BID: variants seen among roughly 807,000 people sequenced by gnomAD.
BID encodes the protein BH3-interacting domain death agonist.
In BID, 19 loss-of-function variants were observed where a neutral mutation model predicts 17.4. The ratio of observed to expected loss-of-function variants is 1.09; its 90% CI spans 0.76 to 1.60. The LOEUF (loss-of-function observed/expected upper bound fraction) is 1.60. Among genes scored for constraint, BID ranks in the 40% most tolerant of loss-of-function variants. The pLI, the probability that BID is intolerant of heterozygous loss-of-function variation, is 0.00. For synonymous variants in BID, 108 were observed against 102.8 expected, an observed-to-expected ratio of 1.05 and a Z score of -0.31; for missense variants, 226 against 256.0, an observed-to-expected ratio of 0.88 and a Z score of 0.80.
chr22:17,755,324 A>G lies in BID; in HGVS notation c.-58-5150T>C, dbSNP rs370016492. ...TCACAGCATGCTCCGTGCAGTGCCA[A>G]GGAAAGCTCCAACCCGGAAATGTGA... On this transcript the variant is annotated intron_variant, in intron 1 of 5. Transcript: ENST00000622694. Among the ~76,000 whole-genome samples the G allele has an allele frequency of 4.6e-5, 7 of 152,260 alleles. No individual in the cohort carries two copies. The South Asian group carries it at 1.5e-3, about 32-fold the overall frequency.
intron 1 of BID, among the ~76,000 whole-genome samples, chr22:17,765,554 A>G (rs1428523804): frequency 1.3e-5 from 2 of 152,218 alleles, no homozygotes; most frequent in Admixed American, 6.5e-5. Flanking sequence ...TTTGAACACA[A>G]ACTTATATTT....
chr22:17,773,055 C>T lies in BID; in HGVS notation c.-59+1326G>A, dbSNP rs941794582. Among the ~76,000 whole-genome samples the T allele has an allele frequency of 5.3e-5, 8 of 152,190 alleles. No homozygotes were observed. The highest frequency in any genetic ancestry group is 1.9e-4 in the African/African-American group (8 of 41,442). ...CAGAGACACGAGCTGCTTCCTCATG[C>T]TCCCTGTGCCCGTCCTGGGAGATCC... is the stretch of plus-strand genomic sequence containing the variant. On this transcript the variant is annotated intron_variant, in intron 1 of 5. Coordinates refer to ENST00000622694, the MANE Select transcript of BID (RefSeq NM_001196.4). The surrounding 1 kb of genome is among the most constrained non-coding windows in gnomAD (Gnocchi z 4.4).
Position 17,769,177 on chromosome 22 carries a change from G to A in BID, c.-59+5204C>T, listed in dbSNP as rs979310302. Among the ~76,000 whole-genome samples the A allele has an allele frequency of 7.2e-5, 11 of 152,244 alleles. No individual in the cohort carries two copies. Among genetic ancestry groups the A allele is most frequent in the Middle Eastern group, 3.2e-3 (1 of 316 alleles). ...ACAGCAGGGCCTGTGCCGTGCCAACGCCATGCCCCTGCCTGGCAGAAATGC... is the reference window on the plus strand; with the variant it reads ...ACAGCAGGGCCTGTGCCGTGCCAACACCATGCCCCTGCCTGGCAGAAATGC... On this transcript the variant is annotated intron_variant, in intron 1 of 5. Transcript: ENST00000622694. The surrounding 1 kb of genome is among the most constrained non-coding windows in gnomAD (Gnocchi z 4.8).
chr22:17,752,117 A>G (rs8142926), intron 1 of BID, among the ~76,000 whole-genome samples: 256 of 152,280 alleles, frequency 1.7e-3, no homozygotes, highest in African/African-American at 5.7e-3. Flanking sequence ...GCAGCTCACA[A>G]AAACCAGCTT....
chr22:17,756,893 A>G (rs2061595304), intron 1 of BID, among the ~76,000 whole-genome samples: 1 of 152,068 alleles, frequency 6.6e-6, no homozygotes, highest in Admixed American at 6.6e-5. Flanking sequence ...CTTTAACACA[A>G]AAGGGCAGGA....
intron 1 of BID, among the ~76,000 whole-genome samples, chr22:17,772,350 G>A (rs1006247463): frequency 6.6e-6 from 1 of 152,210 alleles, no homozygotes; most frequent in African/African-American, 2.4e-5. Flanking sequence ...AGGGGCAGAC[G>A]CCCAGCTGCT....
intron 1 of BID, among the ~76,000 whole-genome samples, chr22:17,756,103 T>G (rs2061580866): frequency 1.3e-5 from 2 of 152,188 alleles, no homozygotes; most frequent in East Asian, 3.9e-4. Context: ...CCTGACCTCA[T>G]GATCCACCCT....
chr22:17,773,548 C>T lies in BID; in HGVS notation c.-59+833G>A. ...GGGTCCATCTGCTCCTCACCTGCCC[C>T]AACCCTGCCTGCAGGTGAAGGCCGG... On this transcript the variant is annotated intron_variant, in intron 1 of 5. Coordinates refer to ENST00000622694, the MANE Select transcript of BID (RefSeq NM_001196.4). The surrounding 1 kb of genome is among the most constrained non-coding windows in gnomAD (Gnocchi z 4.4). 1.3e-6 allele frequency: 2 copies of T among 1,577,364 alleles called. No individual in the cohort carries two copies. Among genetic ancestry groups the T allele is most frequent in the Admixed American group, 3.3e-5 (2 of 59,722 alleles).
chr22:17,735,112 G>GGTAT lies in BID; in HGVS notation c.*464_*467dup, dbSNP rs1206845788. 2 of 160,428 alleles carry GGTAT rather than the reference G, an allele frequency of 1.2e-5. No individual in the cohort carries two copies. The highest frequency in any genetic ancestry group is 2.7e-5 in the Non-Finnish European group (2 of 73,140). The allele number at this position is 160,428 out of a possible 1,614,324, so 9.9% of individuals were successfully genotyped here. A position where few individuals can be genotyped will look rare whatever the true frequency, so the allele number is the denominator to read the frequency against. On this transcript the variant is annotated 3_prime_UTR_variant, in exon 6 of 6. Transcript: ENST00000622694. Reference sequence around the variant, plus strand: ...TGAGTGGAATTTTTCATTTGTAAGGGGTATGTTCCTTCTCTGATTCTTGCT... The same window carrying GGTAT: ...TGAGTGGAATTTTTCATTTGTAAGGGGTATGTATGTTCCTTCTCTGATTCTTGCT...
intron 1 of BID, among the ~76,000 whole-genome samples, chr22:17,765,123 G>C (rs572116741): frequency 3.6e-4 from 55 of 152,240 alleles, no homozygotes; most frequent in African/African-American, 1.3e-3. Context: ...GAGGACCAAA[G>C]CCTGTGTGTC....
rs569822570 is a variant in BID at position 17,749,513 on chromosome 22, A to T, written c.12+592T>A. Among the ~76,000 whole-genome samples the T allele has an allele frequency of 1.6e-4, 25 of 152,352 alleles. No homozygotes were observed. The South Asian group carries it at 4.1e-3, about 25-fold the overall frequency. The stretch of plus-strand genomic sequence containing the variant: ...AAATTTAAATCCAGTGGGTTAAAAA[A>T]TTTTTGAAACACCTTACAGTTTACA... On this transcript the variant is annotated intron_variant, in intron 2 of 5. Transcript: ENST00000622694.
chr22:17,760,819 C>CA (rs1302970039), intron 1 of BID, among the ~76,000 whole-genome samples: 1 of 152,172 alleles, frequency 6.6e-6, no homozygotes, highest in Non-Finnish European at 1.5e-5. Flanking sequence ...TGGGAAGACT[C>CA]AAAGTCTCTT....
chr22:17,766,811 G>A (rs2061682367), intron 1 of BID, among the ~76,000 whole-genome samples: 2 of 148,828 alleles, frequency 1.3e-5, no homozygotes, highest in Admixed American at 1.3e-4. Context: ...AGGATGGTCT[G>A]GATCTCCTGA....
intron 1 of BID, among the ~76,000 whole-genome samples, chr22:17,750,498 G>GT (rs1231642028): frequency 1.3e-5 from 2 of 152,186 alleles, no homozygotes; most frequent in Non-Finnish European, 2.9e-5. Flanking sequence ...AATGTAAAAT[G>GT]TTTATAGAGA....
In BID at chr22:17,750,166, A is replaced by T. The variant is rs1286504961; in HGVS notation, c.-50T>A. The T allele has an allele frequency of 1.2e-6, 2 of 1,612,872 alleles. No individual in the cohort carries two copies. Among genetic ancestry groups the T allele is most frequent in the Admixed American group, 3.3e-5 (2 of 59,970 alleles). ...ACTCACTCCTGGTTCACAGTGTCCC[A>T]GTGGCGACCTGGAAAGGGACACACA... On this transcript the variant is annotated 5_prime_UTR_variant, in exon 2 of 6. Coordinates refer to ENST00000622694, the MANE Select transcript of BID (RefSeq NM_001196.4).
At chr22:17,739,883 G>A (rs928898837) in intron 3 of BID, 12 of 640,224 alleles carry the variant, frequency 1.9e-5, no homozygotes, top group African/African-American at 1.5e-4. Flanking sequence ...GTGGGCAGAC[G>A]GCATCCCAGA....
Position 17,738,117 on chromosome 22 carries a change from A to G in BID, c.476T>C (p.Val159Ala). The part of the protein sequence containing the change: ...LVLALLLAKK[V>A]ASHTPSLLRD... Reference sequence around the variant, plus strand: ...GAGCAAGGACGGCGTGTGACTGGCCACCTTCTTGGCCAGCAGCAGGGCCAG... The same window carrying G: ...GAGCAAGGACGGCGTGTGACTGGCCGCCTTCTTGGCCAGCAGCAGGGCCAG... The change falls in exon 5 of 6, where the codon GTG (valine) becomes GCG (alanine). Residue 159 changes from valine to alanine, a missense_variant. Val to Ala is a moderately conservative substitution (Grantham distance 64). Transcript: ENST00000622694. 1 of 1,613,984 alleles carries G rather than the reference A, an allele frequency of 6.2e-7. No individual in the cohort carries two copies. Among genetic ancestry groups the G allele is most frequent in the Non-Finnish European group, 8.5e-7 (1 of 1,180,022 alleles).
intron 2 of BID, among the ~76,000 whole-genome samples, chr22:17,748,089 G>T (rs2061507262): frequency 6.6e-6 from 1 of 150,504 alleles, no homozygotes; most frequent in Non-Finnish European, 1.5e-5. Flanking sequence ...GGCGCCTGTA[G>T]TCCCAGCTAC....
At chr22:17,754,363 G>C (rs185280490) in intron 1 of BID, among the ~76,000 whole-genome samples, 2 of 152,250 alleles carry the variant, frequency 1.3e-5, no homozygotes, top group Non-Finnish European at 2.9e-5. Flanking sequence ...CCACGGCCTC[G>C]CCAGGAAGGC....
Sources: allele counts gnomAD v4.1 joint callset (sites outside exome capture counted in the v4.1 genomes callset), GRCh38; gene constraint gnomAD v4.1.1; non-coding constraint Gnocchi (gnomAD v3.1); transcripts MANE v1.5; gene names NCBI Gene and HGNC (gene_info 2026-07-23, HGNC 2026-07-21).